GBE1: variants seen among roughly 807,000 people sequenced by gnomAD.
The protein encoded by GBE1 is 1,4-alpha-glucan branching enzyme 1.
A neutral mutation model predicts 88.8 loss-of-function variants in GBE1; 70 were observed. The observed-to-expected ratio is 0.79, with a 90% CI of 0.65 to 0.96. The LOEUF is 0.96. Ranked by LOEUF, GBE1 falls within the 40% of genes least tolerant of loss-of-function variation. The pLI is 0.00. For missense variants in GBE1, 872 were observed against 871.0 expected (o/e 1.00, Z -0.01); for synonymous variants, 284 against 300.1 (o/e 0.95, Z 0.56).
In GBE1 at chr3:81,662,662, T is replaced by TA. The variant is rs1287876832; in HGVS notation, c.429+8175dup. On this transcript the variant is annotated intron_variant, in intron 3 of 15. Coordinates refer to ENST00000429644, the MANE Select transcript of GBE1 (RefSeq NM_000158.4). ...ATTTTGCCAAACATTAACAGTTTTGTAAAAAAAAAAAAAAAGAAAAAAGAA... is the reference window on the plus strand; with the variant it reads ...ATTTTGCCAAACATTAACAGTTTTGTAAAAAAAAAAAAAAAAGAAAAAAGAA... 5.8e-3 allele frequency among the ~76,000 whole-genome samples: 758 copies of TA among 129,898 alleles called. 1 individual carries two copies. Among genetic ancestry groups the TA allele is most frequent in the African/African-American group, 0.014 (489 of 35,466 alleles). The allele number at this position is 129,898 out of a possible 152,430, so 85.2% of individuals were successfully genotyped here. A position where few individuals can be genotyped will look rare whatever the true frequency, so the allele number is the denominator to read the frequency against.
At chr3:81,602,076 G>C (rs1704040363) in intron 7 of GBE1, among the ~76,000 whole-genome samples, 1 of 152,148 alleles carries the variant, frequency 6.6e-6, no homozygotes, top group African/African-American at 2.4e-5. Flanking sequence ...TATTGAGAGA[G>C]AAACAGTTAA....
At chr3:81,587,266 A>G (rs1301894147) in intron 9 of GBE1, among the ~76,000 whole-genome samples, 2 of 152,210 alleles carry the variant, frequency 1.3e-5, no homozygotes, top group African/African-American at 2.4e-5. Flanking sequence ...GTAACAAAAG[A>G]TATTAAGACA....
intron 12 of GBE1, among the ~76,000 whole-genome samples, chr3:81,572,647 C>A (rs1221369577): frequency 6.6e-6 from 1 of 152,002 alleles, no homozygotes; most frequent in Non-Finnish European, 1.5e-5. Context: ...TTATGCTTTA[C>A]TTGATATTTT....
intron 3 of GBE1, among the ~76,000 whole-genome samples, chr3:81,663,508 G>T (rs1374358558): frequency 6.6e-6 from 1 of 152,110 alleles, no homozygotes; most frequent in Non-Finnish European, 1.5e-5. Flanking sequence ...CTCCCTACTA[G>T]CTCTGCCATC....
At chr3:81,719,700 A>G (rs895340114) in intron 1 of GBE1, among the ~76,000 whole-genome samples, 1 of 152,222 alleles carries the variant, frequency 6.6e-6, no homozygotes, top group Non-Finnish European at 1.5e-5. Flanking sequence ...TTATTTTGAT[A>G]GGTAGTTTGA....
intron 15 of GBE1, among the ~76,000 whole-genome samples, chr3:81,491,402 G>A (rs1702434705): frequency 6.6e-6 from 1 of 152,118 alleles, no homozygotes; most frequent in East Asian, 1.9e-4. Flanking sequence ...CTCAGTTGGT[G>A]CCACTGAACA....
chr3:81,490,563 A>G, intron 15 of GBE1, 100 bp from the exon 16 acceptor site: 1 of 927,754 alleles, frequency 1.1e-6, no homozygotes, highest in Non-Finnish European at 1.7e-6. Flanking sequence ...ACATCTGCCT[A>G]AAGTTACAGT....
At chr3:81,711,917 G>A (rs1189689406) in intron 1 of GBE1, among the ~76,000 whole-genome samples, 1 of 151,980 alleles carries the variant, frequency 6.6e-6, no homozygotes, top group Non-Finnish European at 1.5e-5. Context: ...CTGACAAAGG[G>A]CTAATATCCA....
chr3:81,709,332 C>T (rs976822176), intron 1 of GBE1, among the ~76,000 whole-genome samples: 1 of 151,786 alleles, frequency 6.6e-6, no homozygotes, highest in Non-Finnish European at 1.5e-5. Flanking sequence ...TTTTTTTAAC[C>T]TCTTCCCAAT....
intron 3 of GBE1, among the ~76,000 whole-genome samples, chr3:81,662,502 A>C (rs1705045587): frequency 6.6e-6 from 1 of 152,116 alleles, no homozygotes; most frequent in Non-Finnish European, 1.5e-5. Context: ...CTTATGAAAA[A>C]GTTTCCACTA....
At chr3:81,523,393 G>T (rs987633184) in intron 14 of GBE1, among the ~76,000 whole-genome samples, 4 of 151,178 alleles carry the variant, frequency 2.6e-5, no homozygotes, top group African/African-American at 9.7e-5. Flanking sequence ...TGTTTATGGG[G>T]TACCTGAGAT....
At chr3:81,739,332 T>C (rs756906913) in intron 1 of GBE1, among the ~76,000 whole-genome samples, 1 of 152,158 alleles carries the variant, frequency 6.6e-6, no homozygotes, top group African/African-American at 2.4e-5. Flanking sequence ...ATTTTATATA[T>C]GTAAAGCAAA....
chr3:81,738,356 T>G lies in GBE1; in HGVS notation c.143+23019A>C, dbSNP rs564199889. Among the ~76,000 whole-genome samples the G allele has an allele frequency of 1.1e-4, 17 of 151,466 alleles. No homozygotes were observed. The East Asian group carries it at 3.3e-3, about 29-fold the overall frequency. ...GACTTCCACAATGGTTGAACTAGTT[T>G]ACAGTCCCACCAACAGTGTAAAAGT... On this transcript the variant is annotated intron_variant, in intron 1 of 15. Transcript: ENST00000429644.
intron 2 of GBE1, among the ~76,000 whole-genome samples, chr3:81,689,059 A>G (rs977371792): frequency 2.0e-5 from 3 of 152,202 alleles, no homozygotes; most frequent in African/African-American, 7.2e-5. Context: ...TTCTACATTT[A>G]TAAGACATAT....
chr3:81,627,967 A>T (rs1175524055), intron 7 of GBE1, among the ~76,000 whole-genome samples: 1 of 151,816 alleles, frequency 6.6e-6, no homozygotes, highest in African/African-American at 2.4e-5. Context: ...TTGGCCACAT[A>T]TTTTTAATAT....
intron 7 of GBE1, among the ~76,000 whole-genome samples, chr3:81,632,562 T>C (rs1022348374): frequency 6.6e-6 from 1 of 152,112 alleles, no homozygotes; most frequent in Admixed American, 6.6e-5. Flanking sequence ...AAACAACAGA[T>C]GCTGGGAGGA....
intron 12 of GBE1, among the ~76,000 whole-genome samples, chr3:81,548,620 T>C (rs1295847651): frequency 1.3e-5 from 2 of 151,374 alleles, no homozygotes; most frequent in African/African-American, 2.4e-5. Flanking sequence ...GATTTTGTCA[T>C]TCACAGAAAA....
intron 14 of GBE1, among the ~76,000 whole-genome samples, chr3:81,515,898 A>G (rs1463199881): frequency 2.0e-5 from 3 of 151,622 alleles, no homozygotes; most frequent in Admixed American, 6.6e-5. Flanking sequence ...CTTCAATTCT[A>G]TGAAGGCTGG....
At chr3:81,704,329 C>T (rs147689641) in intron 2 of GBE1, among the ~76,000 whole-genome samples, 1 of 152,096 alleles carries the variant, frequency 6.6e-6, no homozygotes, top group East Asian at 1.9e-4. Flanking sequence ...AAGTCAGGTT[C>T]CTTGAAGAAT....
Sources: allele counts gnomAD v4.1 joint callset (sites outside exome capture counted in the v4.1 genomes callset), GRCh38; gene constraint gnomAD v4.1.1; transcripts MANE v1.5; gene names NCBI Gene and HGNC (gene_info 2026-07-23, HGNC 2026-07-21).